Variants in MED1 observed in about 807,000 individuals in gnomAD.
MED1 encodes mediator of RNA polymerase II transcription subunit 1.
Under a neutral mutation model 121.3 loss-of-function variants are expected in MED1, and 17 were observed. The observed-to-expected ratio is 0.14, with a 90% confidence interval of 0.10 to 0.21. MED1 has a LOEUF of 0.21. MED1 is among the 10% of genes least tolerant of loss of function. The pLI is 1.00. For synonymous variants in MED1, 661 were observed against 694.4 expected (o/e 0.95, Z 0.76); for missense variants, 1,558 against 1,919.4 (o/e 0.81, Z 3.52).
At chr17:39,431,710 T>G (rs2048566565) in intron 8 of MED1, among the ~76,000 whole-genome samples, 1 of 152,220 alleles carries the variant, frequency 6.6e-6, no homozygotes, top group South Asian at 2.1e-4. Context: ...AAAATTACAC[T>G]TAGACTATTA....
At chr17:39,433,854 T>A (rs2048593831) in intron 7 of MED1, among the ~76,000 whole-genome samples, 1 of 152,178 alleles carries the variant, frequency 6.6e-6, no homozygotes. Flanking sequence ...CCACTTTGAC[T>A]GGCTTCACTA....
At chr17:39,443,052 A>G (rs1597874223) in intron 3 of MED1, among the ~76,000 whole-genome samples, 1 of 106,226 alleles carries the variant, frequency 9.4e-6, no homozygotes, top group Admixed American at 1.5e-4. Flanking sequence ...CCCAGGCTGG[A>G]GTGTAATGGC....
chr17:39,450,926 C>T lies in MED1; in HGVS notation c.25+112G>A. The T allele has an allele frequency of 1.4e-5, 12 of 888,700 alleles. No homozygotes were observed. In the South Asian group the frequency reaches 1.7e-4, roughly 13 times the overall value. The allele number at this position is 888,700 out of a possible 1,614,324, so 55.1% of individuals were successfully genotyped here. On this transcript the variant is annotated intron_variant, in intron 1 of 16. Coordinates refer to ENST00000300651, the MANE Select transcript of MED1 (RefSeq NM_004774.4). ...CTAAAACTAATACACATTCCCTCTC[C>T]TGGACTCTATGCCCCTAAAGTGGCC...
chr17:39,426,819 C>A (rs2048519260), intron 10 of MED1, among the ~76,000 whole-genome samples: 1 of 152,150 alleles, frequency 6.6e-6, no homozygotes, highest in Non-Finnish European at 1.5e-5. Context: ...CAGGCATGAG[C>A]CACCGCGCCC....
Position 39,451,107 on chromosome 17 carries a change from C to G in MED1, c.-45G>C. 1 of 1,603,874 alleles carries G rather than the reference C, an allele frequency of 6.2e-7. No individual in the cohort carries two copies. Among genetic ancestry groups the G allele is most frequent in the South Asian group, 1.1e-5 (1 of 89,502 alleles). ...TAGATCCGCCACAAAAGGATAAGCC[C>G]TTCCCCACCACTAACGGAGGAAACA... On this transcript the variant is annotated 5_prime_UTR_variant, in exon 1 of 17. Transcript: ENST00000300651.
In MED1 at chr17:39,405,659, T is replaced by C. The variant is rs2048297357; in HGVS notation, c.*1816A>G. On this transcript the variant is annotated 3_prime_UTR_variant, in exon 17 of 17. Coordinates refer to ENST00000300651, the MANE Select transcript of MED1 (RefSeq NM_004774.4). ...ACTCTGATGTGGTTAATTGATAACT[T>C]TTCTTGCTCCACTTTACAATGTTTT... The C allele has an allele frequency of 9.7e-7, 1 of 1,031,646 alleles. No homozygotes were observed. The highest frequency in any genetic ancestry group is 5.4e-5 in the Admixed American group (1 of 18,550). 63.9% of individuals were successfully genotyped at this position (1,031,646 alleles called of 1,614,324 possible).
At position 39,415,236 on chromosome 17, in the gene MED1, C is replaced by A; in HGVS notation, c.1393+8G>T. The A allele has an allele frequency of 1.9e-6, 3 of 1,612,450 alleles. No homozygotes were observed. Among genetic ancestry groups the A allele is most frequent in the Non-Finnish European group, 2.5e-6 (3 of 1,178,464 alleles). On this transcript the variant is annotated splice_region_variant and intron_variant, in intron 15 of 16. Coordinates refer to ENST00000300651, the MANE Select transcript of MED1 (RefSeq NM_004774.4). Reference sequence around the variant, plus strand: ...CCATGAGAGGTGTTAGCCACCCACACAACTCACCACACACCAGGGAGTCAT... The same window carrying A: ...CCATGAGAGGTGTTAGCCACCCACAAAACTCACCACACACCAGGGAGTCAT...
At chr17:39,444,878 AAAAC>A (rs896199407) in intron 2 of MED1, among the ~76,000 whole-genome samples, 15 of 152,040 alleles carry the variant, frequency 9.9e-5, no homozygotes, top group Admixed American at 2.6e-4. Context: ...CAAACAAAAC[AAAAC>A]AAACAAACAA....
At position 39,407,399 on chromosome 17, in the gene MED1, C is replaced by A; in HGVS notation, c.*76G>T. ...CCAAATCAGACCTGTCTGACTCACC[C>A]CTTATGGTGGTTTGCCTATAAACTT... On this transcript the variant is annotated 3_prime_UTR_variant, in exon 17 of 17. Coordinates refer to ENST00000300651, the MANE Select transcript of MED1 (RefSeq NM_004774.4). The A allele has an allele frequency of 6.7e-7, 1 of 1,490,452 alleles. No homozygotes were observed. Among genetic ancestry groups the A allele is most frequent in the African/African-American group, 1.4e-5 (1 of 71,328 alleles). 92.3% of individuals were successfully genotyped at this position (1,490,452 alleles called of 1,614,324 possible).
chr17:39,439,067 T>C, intron 6 of MED1, 98 bp downstream of exon 6: 2 of 1,099,906 alleles, frequency 1.8e-6, no homozygotes, highest in African/African-American at 3.2e-5. Context: ...AAAATAAACT[T>C]GTTCCTGAGG....
chr17:39,421,899 C>T (rs909460589), intron 13 of MED1, among the ~76,000 whole-genome samples: 26 of 151,712 alleles, frequency 1.7e-4, no homozygotes, highest in Non-Finnish European at 3.4e-4. Context: ...GAGGCCGAGG[C>T]GGGCGGATCA....
chr17:39,430,676 G>C (rs1219595523), intron 9 of MED1, among the ~76,000 whole-genome samples: 1 of 120,570 alleles, frequency 8.3e-6, no homozygotes, highest in Non-Finnish European at 1.7e-5. Context: ...CTGGGCAACA[G>C]AGCAAGACTC....
At position 39,408,948 on chromosome 17, in the gene MED1, G is replaced by A. The variant is rs569103058; in HGVS notation, c.3273C>T (p.Ser1091=). ...SQYTSSGSVS[S]SGSKSHHSHS... ...GGCTATGGTGGCTTTTGCTGCCTGA[G>A]GAAGACACAGAACCACTGCTGGTAT... Residue 1091 remains serine, a synonymous_variant, in exon 17 of 17, where the codon TCC becomes TCT. Transcript: ENST00000300651. The surrounding 1 kb of genome is among the most constrained non-coding windows in gnomAD (Gnocchi z 4.7). 5.0e-5 allele frequency: 80 copies of A among 1,614,176 alleles called. No homozygotes were observed. In the South Asian group the frequency reaches 8.7e-4, roughly 18 times the overall value.
At chr17:39,450,292 T>C (rs139447464) in intron 1 of MED1, among the ~76,000 whole-genome samples, 3 of 152,300 alleles carry the variant, frequency 2.0e-5, no homozygotes, top group Non-Finnish European at 4.4e-5. Flanking sequence ...TTTGTTTTTC[T>C]TGAGAAACCT....
chr17:39,430,476 G>C (rs1217280911), intron 9 of MED1, among the ~76,000 whole-genome samples: 1 of 151,478 alleles, frequency 6.6e-6, no homozygotes, highest in Admixed American at 6.6e-5. Context: ...CAGATCACGA[G>C]GTCAGGAGAT....
chr17:39,439,245 GA>G, intron 5 of MED1, 52 bp from the exon 6 acceptor site: 3 of 1,433,250 alleles, frequency 2.1e-6, no homozygotes, highest in Non-Finnish European at 1.9e-6. Flanking sequence ...TAGCAACTTT[GA>G]AGATATCAAA....
At chr17:39,423,202 G>T in intron 13 of MED1, 125 bp downstream of exon 13, 1 of 756,488 alleles carries the variant, frequency 1.3e-6, no homozygotes, top group South Asian at 1.8e-5. Context: ...CCTTACTAAA[G>T]AAATAGGACA....
At chr17:39,447,611 C>T (rs1034979484) in intron 2 of MED1, among the ~76,000 whole-genome samples, 187 bp downstream of exon 2, 2 of 151,996 alleles carry the variant, frequency 1.3e-5, no homozygotes, top group Non-Finnish European at 2.9e-5. Context: ...AAAACACTTC[C>T]GGTCCCAAGC....
chr17:39,425,587 AG>A (rs2048507179), intron 10 of MED1, among the ~76,000 whole-genome samples: 1 of 151,680 alleles, frequency 6.6e-6, no homozygotes, highest in South Asian at 2.1e-4. Context: ...GTGGATCACA[AG>A]GTCAGGGGTT....
Sources: allele counts gnomAD v4.1 joint callset (sites outside exome capture counted in the v4.1 genomes callset), GRCh38; gene constraint gnomAD v4.1.1; non-coding constraint Gnocchi (gnomAD v3.1); transcripts MANE v1.5; gene names NCBI Gene and HGNC (gene_info 2026-07-23, HGNC 2026-07-21).